Variants in HACE1 observed in about 807,000 individuals in gnomAD.
HACE1 encodes HECT domain and ankyrin repeat containing E3 ubiquitin protein ligase 1, also known as E3 ubiquitin-protein ligase HACE1.
Under a neutral mutation model 118.4 loss-of-function variants are expected in HACE1, and 73 were observed. That is an observed-to-expected ratio of 0.62 (90% CI 0.51 to 0.75). HACE1 has a LOEUF of 0.75. HACE1 is among the 30% of genes least tolerant of loss of function. HACE1 has a pLI of 0.00. For missense variants in HACE1, 749 were observed against 1,102.2 expected (o/e 0.68, Z 4.54); for synonymous variants, 368 against 374.8 (o/e 0.98, Z 0.21).
At chr6:104,764,084 A>T (rs13202803) in intron 19 of HACE1, among the ~76,000 whole-genome samples, 1 of 151,884 alleles carries the variant, frequency 6.6e-6, no homozygotes. Context: ...CACACTTTTT[A>T]TTTTTTGTGA....
At chr6:104,767,629 T>G (rs1412196152) in intron 19 of HACE1, among the ~76,000 whole-genome samples, 3 of 152,220 alleles carry the variant, frequency 2.0e-5, no homozygotes, top group African/African-American at 7.2e-5. Context: ...TATTTGTGGA[T>G]GCAAAGTCTT....
chr6:104,756,915 C>T (rs1228855870), intron 19 of HACE1, among the ~76,000 whole-genome samples: 1 of 152,226 alleles, frequency 6.6e-6, no homozygotes, highest in Non-Finnish European at 1.5e-5. Context: ...CTCAGAGGGT[C>T]GCATGCCCAT....
At chr6:104,764,262 G>A (rs1779725140) in intron 19 of HACE1, among the ~76,000 whole-genome samples, 1 of 152,066 alleles carries the variant, frequency 6.6e-6, no homozygotes, top group African/African-American at 2.4e-5. Flanking sequence ...ATTTTTAGTA[G>A]AGACGGGGTT....
intron 2 of HACE1, 89 bp downstream of exon 2, chr6:104,852,228 T>TGTGCAC: frequency 1.5e-6 from 1 of 660,804 alleles, no homozygotes; most frequent in Non-Finnish European, 2.8e-6. Context: ...TGTGTGTGTG[T>TGTGCAC]GCGCGCGTGC....
chr6:104,737,457 G>A (rs540675829), intron 22 of HACE1, among the ~76,000 whole-genome samples: 43 of 152,262 alleles, frequency 2.8e-4, no homozygotes, highest in African/African-American at 1.0e-3. Flanking sequence ...GTGGGCGCAG[G>A]TCAGTGGGTG....
chr6:104,792,257 T>C (rs899372296), intron 10 of HACE1, among the ~76,000 whole-genome samples: 17 of 152,274 alleles, frequency 1.1e-4, no homozygotes, highest in African/African-American at 3.8e-4. Context: ...TACACAAATA[T>C]AGGAAATATT....
chr6:104,837,553 T>C (rs1017254160), intron 5 of HACE1, among the ~76,000 whole-genome samples: 4 of 152,130 alleles, frequency 2.6e-5, no homozygotes, highest in South Asian at 2.1e-4. Context: ...GAAAAAAATA[T>C]ATGAGACAAT....
chr6:104,847,917 T>C (rs1049622576), intron 4 of HACE1, among the ~76,000 whole-genome samples: 3 of 151,654 alleles, frequency 2.0e-5, no homozygotes, highest in Non-Finnish European at 4.4e-5. Context: ...TCCCGGGCAC[T>C]CAAGCGACTG....
intron 6 of HACE1, among the ~76,000 whole-genome samples, chr6:104,822,296 T>C (rs1582644874): frequency 6.9e-6 from 1 of 144,604 alleles, no homozygotes; most frequent in African/African-American, 2.6e-5. Flanking sequence ...GGCAGGAGAA[T>C]GGCATGAACC....
At position 104,771,216 on chromosome 6, in the gene HACE1, T is replaced by A; in HGVS notation, c.2188A>T (p.Ile730Phe). ...EVPLKPGGGS[I>F]LVTQNNKAEY... ...ACTTTATTATTTTGTGTCACAAGAATACTCCCACCCCCAGGTTTCAAAGGC... is the reference window on the plus strand; with the variant it reads ...ACTTTATTATTTTGTGTCACAAGAAAACTCCCACCCCCAGGTTTCAAAGGC... The change falls in exon 19 of 24, where the codon ATT becomes TTT. Residue 730 changes from isoleucine (I) to phenylalanine (F), a missense_variant. By Grantham distance (21) the Ile-to-Phe change is conservative. Transcript: ENST00000262903. 6.2e-7 allele frequency: 1 copy of A among 1,612,556 alleles called. No homozygotes were observed. Among genetic ancestry groups the A allele is most frequent in the South Asian group, 1.1e-5 (1 of 91,048 alleles).
At chr6:104,766,671 A>C (rs1582365370) in intron 19 of HACE1, among the ~76,000 whole-genome samples, 2 of 152,240 alleles carry the variant, frequency 1.3e-5, no homozygotes, top group East Asian at 3.8e-4. Context: ...CTTTGTTCAC[A>C]TTCACTGCCT....
At chr6:104,750,276 T>C in intron 20 of HACE1, 65 bp downstream of exon 20, 1 of 1,337,272 alleles carries the variant, frequency 7.5e-7, no homozygotes, top group Non-Finnish European at 1.1e-6. Context: ...CAATTATTTC[T>C]GAATTACATC....
chr6:104,775,158 A>G (rs1781097463), intron 17 of HACE1, among the ~76,000 whole-genome samples: 1 of 152,192 alleles, frequency 6.6e-6, no homozygotes, highest in Admixed American at 6.5e-5. Flanking sequence ...CCTCGGCAGC[A>G]TGGCGAAACC....
intron 20 of HACE1, among the ~76,000 whole-genome samples, chr6:104,747,067 G>C (rs973799320): frequency 1.3e-4 from 19 of 151,482 alleles, no homozygotes; most frequent in African/African-American, 4.1e-4. Flanking sequence ...AAAACAAACA[G>C]ATGAAATGAG....
chr6:104,853,616 A>T (rs1180502314), intron 1 of HACE1, among the ~76,000 whole-genome samples: 1 of 152,216 alleles, frequency 6.6e-6, no homozygotes, highest in Non-Finnish European at 1.5e-5. Context: ...ACACAGTATC[A>T]AGTACCTCTC....
intron 3 of HACE1, among the ~76,000 whole-genome samples, chr6:104,850,302 G>A (rs1467165646): frequency 2.0e-5 from 3 of 152,096 alleles, no homozygotes; most frequent in African/African-American, 7.2e-5. Context: ...GACACAAATA[G>A]TAAACATTCT....
chr6:104,847,573 G>C (rs1476774849), intron 4 of HACE1, among the ~76,000 whole-genome samples: 1 of 152,174 alleles, frequency 6.6e-6, no homozygotes, highest in Non-Finnish European at 1.5e-5. Flanking sequence ...CCCTTCCCCT[G>C]TCCAACCTAG....
rs182611714 is a variant in HACE1 at position 104,797,110 on chromosome 6, G to A, written c.618-85C>T. 17 of 786,764 alleles carry A rather than the reference G, an allele frequency of 2.2e-5. No individual in the cohort carries two copies. In the African/African-American group the frequency reaches 2.4e-4, roughly 11 times the overall value. 48.7% of individuals were successfully genotyped at this position (786,764 alleles called of 1,614,324 possible). A position where few individuals can be genotyped will look rare whatever the true frequency, so the allele number is the denominator to read the frequency against. On this transcript the variant is annotated intron_variant, in intron 7 of 23. Coordinates refer to ENST00000262903, the MANE Select transcript of HACE1 (RefSeq NM_020771.4). The stretch of plus-strand genomic sequence containing the variant: ...TATGGATAGTTAATATGAGTCAATG[G>A]AAGAGTATCACTTTTAAAAATTAAG...
intron 22 of HACE1, among the ~76,000 whole-genome samples, chr6:104,743,225 G>A (rs1420520917): frequency 6.6e-6 from 1 of 150,946 alleles, no homozygotes; most frequent in Non-Finnish European, 1.5e-5. Flanking sequence ...TGACGAGTTA[G>A]TGGGTGCAGC....
Sources: allele counts gnomAD v4.1 joint callset (sites outside exome capture counted in the v4.1 genomes callset), GRCh38; gene constraint gnomAD v4.1.1; transcripts MANE v1.5; gene names NCBI Gene and HGNC (gene_info 2026-07-23, HGNC 2026-07-21).